ODAD3: variants seen among roughly 807,000 people sequenced by gnomAD.
ODAD3 encodes outer dynein arm docking complex subunit 3, also known as outer dynein arm-docking complex subunit 3.
Under a neutral mutation model 70.9 loss-of-function variants are expected in ODAD3, and 57 were observed. That is an observed-to-expected ratio of 0.80 (90% CI 0.65 to 1.00). The LOEUF is 1.00. Ranked by LOEUF, ODAD3 falls within the 50% of genes least tolerant of loss-of-function variation. ODAD3 has a pLI of 0.00. For missense variants in ODAD3, 797 were observed against 763.9 expected, an observed-to-expected ratio of 1.04 and a Z score of -0.51; for synonymous variants, 327 against 315.9, an observed-to-expected ratio of 1.04 and a Z score of -0.37.
chr19:11,425,083 ATG>A (rs1198217846), intron 7 of ODAD3, among the ~76,000 whole-genome samples: 1 of 136,256 alleles, frequency 7.3e-6, no homozygotes, highest in Non-Finnish European at 1.5e-5. Flanking sequence ...ATATGTGTAT[ATG>A]TACATATGTG....
At chr19:11,426,358 G>C in intron 6 of ODAD3, 88 bp downstream of exon 6, 1 of 1,607,486 alleles carries the variant, frequency 6.2e-7, no homozygotes, top group South Asian at 1.1e-5. Flanking sequence ...GGGGGCGTAG[G>C]GGAAGCTCAG....
chr19:11,422,490 T>C lies in ODAD3; in HGVS notation c.1415A>G (p.Lys472Arg). The C allele has an allele frequency of 2.5e-6, 4 of 1,594,296 alleles. No individual in the cohort carries two copies. Among genetic ancestry groups the C allele is most frequent in the Non-Finnish European group, 3.4e-6 (4 of 1,171,960 alleles). ...GCCTACCACAGTGATGTGGATCAGC[T>C]TGCTGGCCAGGTGCTCCAGGCTGTC... is the stretch of plus-strand genomic sequence containing the variant. The part of the protein sequence containing the change: ...AKDSLEHLAS[K>R]LIHITVEDGR... The change falls in exon 10 of 13, where the codon AAG becomes AGG. Residue 472 changes from lysine (K) to arginine (R), a missense_variant. Coordinates refer to ENST00000356392, the MANE Select transcript of ODAD3 (RefSeq NM_145045.5). The surrounding 1 kb of genome is among the most constrained non-coding windows in gnomAD (Gnocchi z 4.6).
At chr19:11,428,991 C>T (rs1969446961) in intron 3 of ODAD3, among the ~76,000 whole-genome samples, 2 of 151,940 alleles carry the variant, frequency 1.3e-5, no homozygotes, top group Admixed American at 1.3e-4. Context: ...GATTCTCCTG[C>T]GTCAGCCTCC....
intron 7 of ODAD3, among the ~76,000 whole-genome samples, chr19:11,425,347 A>ATGTG (rs1969308999): frequency 3.0e-5 from 4 of 132,958 alleles, no homozygotes; most frequent in East Asian, 4.7e-4. Flanking sequence ...ATATATGTAT[A>ATGTG]TATGTGTATA....
upstream of ODAD3, chr19:11,435,152 C>T: frequency 6.9e-7 from 1 of 1,440,680 alleles, no homozygotes; most frequent in Non-Finnish European, 9.1e-7. Context: ...TTGCGCTCCG[C>T]ATCTCTCGGT....
chr19:11,425,006 T>C (rs1015319233), intron 7 of ODAD3, among the ~76,000 whole-genome samples: 2,047 of 118,908 alleles, frequency 0.017, 474 homozygotes, highest in African/African-American at 0.08. Flanking sequence ...TGTATATGTA[T>C]ATATGTGTAT....
chr19:11,427,573 C>T (rs1465570111), intron 3 of ODAD3, among the ~76,000 whole-genome samples: 1 of 151,230 alleles, frequency 6.6e-6, no homozygotes, highest in Non-Finnish European at 1.5e-5. Flanking sequence ...CTTCCATCTC[C>T]TAGGTTCAAG....
chr19:11,429,837 CTTT>C (rs760906180), intron 3 of ODAD3, among the ~76,000 whole-genome samples: 4 of 134,822 alleles, frequency 3.0e-5, no homozygotes, highest in Non-Finnish European at 4.9e-5. Flanking sequence ...CGCGCCCAGC[CTTT>C]TTTTTTTTTT....
intron 12 of ODAD3, 64 bp downstream of exon 12, chr19:11,421,064 A>T (rs1442090399): frequency 1.3e-6 from 2 of 1,586,802 alleles, no homozygotes; most frequent in Non-Finnish European, 1.7e-6. Flanking sequence ...AGGGTATCTG[A>T]CAACCTCCTG....
At chr19:11,421,866 G>A in intron 10 of ODAD3, 34 bp from the exon 11 acceptor site, 1 of 1,588,894 alleles carries the variant, frequency 6.3e-7, no homozygotes, top group African/African-American at 1.4e-5. Flanking sequence ...CAGCCGAGAG[G>A]GGTGGGGCCT....
chr19:11,423,363 G>C (rs1369386092), intron 8 of ODAD3, among the ~76,000 whole-genome samples: 1 of 152,172 alleles, frequency 6.6e-6, no homozygotes, highest in Non-Finnish European at 1.5e-5. Context: ...ACACCCAGAG[G>C]GGAGAAACAG....
chr19:11,435,151 G>A (rs1432363314), upstream of ODAD3: 4 of 1,439,594 alleles, frequency 2.8e-6, no homozygotes, highest in Non-Finnish European at 3.6e-6. Flanking sequence ...GTTGCGCTCC[G>A]CATCTCTCGG....
Position 11,431,030 on chromosome 19 carries a change from A to T in ODAD3, c.245-10T>A. On this transcript the variant is annotated splice_polypyrimidine_tract_variant and intron_variant, in intron 1 of 12. Transcript: ENST00000356392. Reference sequence around the variant, plus strand: ...GCCTTCCGGTCACCCTCTGGCAGGCAGGTGAGGTGGACAGACACACAGTTA... The same window carrying T: ...GCCTTCCGGTCACCCTCTGGCAGGCTGGTGAGGTGGACAGACACACAGTTA... 6.2e-7 allele frequency: 1 copy of T among 1,614,070 alleles called. No individual in the cohort carries two copies. Among genetic ancestry groups the T allele is most frequent in the South Asian group, 1.1e-5 (1 of 91,080 alleles).
chr19:11,423,318 G>A (rs186554608), intron 8 of ODAD3, among the ~76,000 whole-genome samples: 1 of 152,324 alleles, frequency 6.6e-6, no homozygotes, highest in Admixed American at 6.5e-5. Context: ...AAGTCATCAG[G>A]GGTCGGCCCC....
chr19:11,423,896 G>A lies in ODAD3; in HGVS notation c.1097C>T (p.Thr366Ile), dbSNP rs926193613. The change falls in exon 8 of 13, where the codon ACT becomes ATT. Residue 366 changes from threonine to isoleucine, a missense_variant. Thr to Ile is a moderately conservative substitution (Grantham distance 89). Coordinates refer to ENST00000356392, the MANE Select transcript of ODAD3 (RefSeq NM_145045.5). ...ACTCACGTGCGTCTCGTCAGTGCCA[G>A]TGGCGTCCTTGACCTTGCCAAAGAT... Reference protein sequence around the residue: ...EVIFGKVKDATGTDETHSLVR... With the variant: ...EVIFGKVKDAIGTDETHSLVR... The A allele has an allele frequency of 6.2e-7, 1 of 1,612,578 alleles. No homozygotes were observed. The highest frequency in any genetic ancestry group is 8.5e-7 in the Non-Finnish European group (1 of 1,179,834).
intron 4 of ODAD3, 30 bp downstream of exon 4, chr19:11,426,843 C>G: frequency 2.5e-6 from 4 of 1,612,262 alleles, no homozygotes; most frequent in Non-Finnish European, 3.4e-6. Context: ...CCACACGACC[C>G]TCTGCCCTGC....
In ODAD3 at chr19:11,423,996, C is replaced by G. The variant is rs112797378; in HGVS notation, c.997G>C (p.Asp333His). 83 of 1,612,050 alleles carry G rather than the reference C, an allele frequency of 5.1e-5. No individual in the cohort carries two copies. In the African/African-American group the frequency reaches 9.2e-4, roughly 18 times the overall value. The change falls in exon 8 of 13, where the codon GAC becomes CAC. Residue 333 changes from aspartate to histidine, a missense_variant. Physicochemically the swap from Asp to His is moderately conservative, Grantham distance 81. Transcript: ENST00000356392. Reference protein sequence around the residue: ...HREHLLLQSDDTIQDSLHAKE... With the variant: ...HREHLLLQSDHTIQDSLHAKE... ...GCATGCAGGCTGTCCTGGATGGTGTCGTCGGACTGTAGCAGCAGGTGCTCG... is the reference window on the plus strand; with the variant it reads ...GCATGCAGGCTGTCCTGGATGGTGTGGTCGGACTGTAGCAGCAGGTGCTCG...
intron 7 of ODAD3, among the ~76,000 whole-genome samples, chr19:11,425,375 A>ATATATG (rs1969314306): frequency 1.6e-5 from 2 of 124,620 alleles, no homozygotes; most frequent in Non-Finnish European, 3.2e-5. Flanking sequence ...ATGTGTATAT[A>ATATATG]TGTGTGTATG....
At chr19:11,425,197 GT>G (rs1487632891) in intron 7 of ODAD3, among the ~76,000 whole-genome samples, 1 of 131,056 alleles carries the variant, frequency 7.6e-6, no homozygotes, top group Non-Finnish European at 1.5e-5. Flanking sequence ...ATATACATAT[GT>G]GTATGTGTAC....
Sources: allele counts gnomAD v4.1 joint callset (sites outside exome capture counted in the v4.1 genomes callset), GRCh38; gene constraint gnomAD v4.1.1; non-coding constraint Gnocchi (gnomAD v3.1); transcripts MANE v1.5; gene names NCBI Gene and HGNC (gene_info 2026-07-23, HGNC 2026-07-21).